Variants in BACH2 observed in about 807,000 individuals in gnomAD.
BACH2 encodes the protein BACH transcriptional regulator 2.
BACH2 carries 5 observed loss-of-function variants against 61.8 expected under a neutral mutation model. The observed-to-expected ratio is 0.08, with a 90% CI of 0.04 to 0.17. The LOEUF is 0.17. Ranked by LOEUF, BACH2 falls within the 10% of genes least tolerant of loss-of-function variation. BACH2 has a pLI of 1.00. For missense variants in BACH2, 824 were observed against 1,091.1 expected (o/e 0.76, Z 3.45); for synonymous variants, 446 against 440.1 (o/e 1.01, Z -0.17).
intron 4 of BACH2, among the ~76,000 whole-genome samples, chr6:90,157,629 C>T (rs1562478931): frequency 6.6e-6 from 1 of 152,102 alleles, no homozygotes; most frequent in African/African-American, 2.4e-5. Context: ...AGCTGATGAC[C>T]AGATCTTGTA....
chr6:90,072,998 G>A (rs988634035), intron 5 of BACH2, among the ~76,000 whole-genome samples: 1 of 152,120 alleles, frequency 6.6e-6, no homozygotes, highest in Non-Finnish European at 1.5e-5. Flanking sequence ...GCTTTTCCCT[G>A]GCTCATTTAC....
intron 5 of BACH2, among the ~76,000 whole-genome samples, chr6:90,058,303 T>C (rs1348456548): frequency 1.3e-5 from 2 of 151,932 alleles, no homozygotes; most frequent in Non-Finnish European, 2.9e-5. Flanking sequence ...ATGTACAAAA[T>C]CCACAAGCAT....
At chr6:90,102,738 C>T (rs908897733) in intron 4 of BACH2, among the ~76,000 whole-genome samples, 5 of 149,494 alleles carry the variant, frequency 3.3e-5, no homozygotes, top group African/African-American at 9.9e-5. Flanking sequence ...TACAGTGAGC[C>T]GAGATTGCGC....
chr6:90,227,876 A>G (rs1021539280), intron 3 of BACH2, among the ~76,000 whole-genome samples: 2 of 151,852 alleles, frequency 1.3e-5, no homozygotes, highest in African/African-American at 2.4e-5. Flanking sequence ...TATCCACCTC[A>G]GCAATCCTTC....
intron 5 of BACH2, among the ~76,000 whole-genome samples, chr6:90,019,758 T>A (rs1284275825): frequency 6.6e-6 from 1 of 152,202 alleles, no homozygotes; most frequent in Non-Finnish European, 1.5e-5. Flanking sequence ...AACCACAGCC[T>A]TCTGGGAGAG....
intron 4 of BACH2, among the ~76,000 whole-genome samples, chr6:90,166,955 TA>T (rs1325746253): frequency 6.6e-6 from 1 of 152,132 alleles, no homozygotes; most frequent in African/African-American, 2.4e-5. Flanking sequence ...TACCTAATGC[TA>T]AATGACGAGT....
intron 4 of BACH2, among the ~76,000 whole-genome samples, chr6:90,101,779 A>T (rs1270143393): frequency 6.6e-6 from 1 of 152,154 alleles, no homozygotes; most frequent in East Asian, 1.9e-4. Context: ...AAGTCTTCTG[A>T]TCTATGAACA....
intron 4 of BACH2, among the ~76,000 whole-genome samples, chr6:90,186,290 C>T (rs1768353353): frequency 6.6e-6 from 1 of 152,128 alleles, no homozygotes; most frequent in Non-Finnish European, 1.5e-5. Flanking sequence ...CTAAGTCAAA[C>T]CACTCTTACA....
chr6:90,062,497 A>G (rs1009295060), intron 5 of BACH2, among the ~76,000 whole-genome samples: 9 of 152,168 alleles, frequency 5.9e-5, no homozygotes, highest in African/African-American at 2.2e-4. Context: ...ACACCTCACT[A>G]TCCCTTGGGA....
chr6:90,049,705 G>A (rs1343148819), intron 5 of BACH2, among the ~76,000 whole-genome samples: 1 of 152,138 alleles, frequency 6.6e-6, no homozygotes, highest in Non-Finnish European at 1.5e-5. Flanking sequence ...CACTTATAAA[G>A]GGACTTGATC....
intron 4 of BACH2, among the ~76,000 whole-genome samples, chr6:90,121,936 C>T (rs182406899): frequency 6.6e-6 from 1 of 152,194 alleles, no homozygotes; most frequent in Non-Finnish European, 1.5e-5. Flanking sequence ...CTTTTGCCCC[C>T]CATTTCTGGT....
chr6:90,107,402 A>G (rs1031127548), intron 4 of BACH2, among the ~76,000 whole-genome samples: 1 of 152,096 alleles, frequency 6.6e-6, no homozygotes, highest in Non-Finnish European at 1.5e-5. Context: ...ACAAAACAAA[A>G]AAAACACCCC....
At chr6:89,937,795 T>G (rs976820212) in intron 8 of BACH2, among the ~76,000 whole-genome samples, 1 of 152,322 alleles carries the variant, frequency 6.6e-6, no homozygotes, top group South Asian at 2.1e-4. Flanking sequence ...CCTTTCAAAG[T>G]GCTAGGATTA....
intron 6 of BACH2, among the ~76,000 whole-genome samples, chr6:89,956,153 A>G (rs1774414202): frequency 6.6e-6 from 1 of 152,200 alleles, no homozygotes. Flanking sequence ...TTGAATGAAA[A>G]TATTTTGAAT....
At chr6:90,133,164 G>A (rs577902704) in intron 4 of BACH2, among the ~76,000 whole-genome samples, 1 of 151,924 alleles carries the variant, frequency 6.6e-6, no homozygotes, top group Non-Finnish European at 1.5e-5. Flanking sequence ...TATTTTCTCT[G>A]CCCACCTCAT....
chr6:90,252,787 C>T (rs1345164440), intron 2 of BACH2, among the ~76,000 whole-genome samples, 197 bp from the exon 3 acceptor site: 1 of 152,172 alleles, frequency 6.6e-6, no homozygotes, highest in African/African-American at 2.4e-5. Context: ...GTTTACTAGG[C>T]TCAAATGTGA....
At chr6:90,131,274 C>CAA (rs1784069138) in intron 4 of BACH2, among the ~76,000 whole-genome samples, 1 of 152,242 alleles carries the variant, frequency 6.6e-6, no homozygotes, top group Non-Finnish European at 1.5e-5. Context: ...CAGCCTGCTT[C>CAA]AAGTCCTGTG....
intron 5 of BACH2, among the ~76,000 whole-genome samples, chr6:90,044,915 G>T (rs1779709960): frequency 1.3e-5 from 2 of 152,142 alleles, no homozygotes; most frequent in Non-Finnish European, 2.9e-5. Context: ...TGATTAGACA[G>T]CCCTGTGGAG....
chr6:90,258,882 C>A (rs9351236), intron 2 of BACH2, among the ~76,000 whole-genome samples: 1 of 151,886 alleles, frequency 6.6e-6, no homozygotes, highest in Non-Finnish European at 1.5e-5. Flanking sequence ...TGAAAAAAAA[C>A]GCAACTGATT....
Sources: gnomAD v4.1 joint callset for allele counts (sites outside exome capture counted in the v4.1 genomes callset) on GRCh38, gnomAD v4.1.1 for gene constraint, MANE v1.5 for transcripts, NCBI Gene and HGNC (gene_info 2026-07-23, HGNC 2026-07-21) for gene names.